Variants in ITPR1 observed in about 807,000 individuals in gnomAD.
ITPR1 encodes inositol 1,4,5-trisphosphate-gated calcium channel ITPR1.
Under a neutral mutation model 318.4 loss-of-function variants are expected in ITPR1, and 96 were observed. That is an observed-to-expected ratio of 0.30 (90% CI 0.26 to 0.36). The LOEUF (loss-of-function observed/expected upper bound fraction) is 0.36, where lower values mean the gene tolerates loss of function less well. Ranked by LOEUF, ITPR1 falls within the 10% of genes least tolerant of loss-of-function variation. The pLI is 1.00. For synonymous variants in ITPR1, 1,312 were observed against 1,289.9 expected, an observed-to-expected ratio of 1.02 and a Z score of -0.37; for missense variants, 2,440 against 3,460.2, an observed-to-expected ratio of 0.71 and a Z score of 7.40.
intron 40 of ITPR1, among the ~76,000 whole-genome samples, chr3:4,721,944 A>G (rs1290903630): frequency 1.3e-5 from 2 of 152,358 alleles, no homozygotes; most frequent in South Asian, 2.1e-4. Context: ...ATGATAAAGT[A>G]TAATTTCTTT....
At chr3:4,725,934 T>C (rs2042483612) in intron 41 of ITPR1, among the ~76,000 whole-genome samples, 1 of 152,240 alleles carries the variant, frequency 6.6e-6, no homozygotes, top group Non-Finnish European at 1.5e-5. Flanking sequence ...TGTGCAGAGA[T>C]GATGCACTTT....
intron 4 of ITPR1, among the ~76,000 whole-genome samples, chr3:4,539,728 G>A (rs2084239596): frequency 6.6e-6 from 1 of 152,114 alleles, no homozygotes; most frequent in Non-Finnish European, 1.5e-5. Flanking sequence ...ATCATGGAAA[G>A]AGAACTGATG....
At chr3:4,780,496 C>T (rs995660688) in intron 49 of ITPR1, among the ~76,000 whole-genome samples, 4 of 152,086 alleles carry the variant, frequency 2.6e-5, no homozygotes, top group Admixed American at 6.5e-5. Flanking sequence ...CTTTCAGAGA[C>T]GGTGACATGA....
intron 43 of ITPR1, among the ~76,000 whole-genome samples, chr3:4,733,659 C>G (rs1292403117): frequency 6.6e-6 from 1 of 152,154 alleles, no homozygotes. Context: ...CTCATTTTCT[C>G]CTCCCAGCTA....
chr3:4,746,809 C>T (rs1043427644), intron 44 of ITPR1, among the ~76,000 whole-genome samples: 14 of 152,220 alleles, frequency 9.2e-5, no homozygotes, highest in Non-Finnish European at 1.5e-4. Context: ...CACATCGTAA[C>T]AGCTCATCCA....
intron 7 of ITPR1, among the ~76,000 whole-genome samples, chr3:4,643,795 C>G (rs1370664944): frequency 6.6e-6 from 1 of 151,484 alleles, no homozygotes; most frequent in African/African-American, 2.4e-5. Context: ...CTTACTCTGA[C>G]TCTATCTTGT....
intron 2 of ITPR1, among the ~76,000 whole-genome samples, chr3:4,504,582 G>C (rs2081268802): frequency 6.6e-6 from 1 of 152,204 alleles, no homozygotes; most frequent in African/African-American, 2.4e-5. Context: ...GGGACAAGAA[G>C]GCAAGGAGGG....
chr3:4,686,884 C>G (rs1203298621), intron 30 of ITPR1, among the ~76,000 whole-genome samples: 1 of 152,214 alleles, frequency 6.6e-6, no homozygotes, highest in East Asian at 1.9e-4. Flanking sequence ...GCTGTCTGTC[C>G]CAAGCCCTCT....
intron 4 of ITPR1, among the ~76,000 whole-genome samples, chr3:4,540,572 G>C (rs920041719): frequency 6.6e-6 from 1 of 152,038 alleles, no homozygotes; most frequent in Admixed American, 6.6e-5. Flanking sequence ...GCTTTTGTGT[G>C]TGTGTGTATG....
At chr3:4,576,736 T>A (rs888353850) in intron 4 of ITPR1, among the ~76,000 whole-genome samples, 15 of 152,228 alleles carry the variant, frequency 9.9e-5, no homozygotes, top group Admixed American at 6.5e-4. Flanking sequence ...AATATTTAAA[T>A]GAAAATATAA....
intron 60 of ITPR1, among the ~76,000 whole-genome samples, chr3:4,833,290 A>T (rs2050648188): frequency 3.3e-5 from 5 of 152,212 alleles, no homozygotes; most frequent in Non-Finnish European, 1.5e-5. Context: ...GCTATTAGGA[A>T]TGAGGGAGAG....
chr3:4,781,356 A>G (rs533993524), intron 49 of ITPR1, among the ~76,000 whole-genome samples: 2 of 152,318 alleles, frequency 1.3e-5, no homozygotes, highest in Admixed American at 1.3e-4. Context: ...GAAATGATTC[A>G]ATCATGAATG....
chr3:4,785,745 G>A (rs1422241910), intron 51 of ITPR1, among the ~76,000 whole-genome samples: 1 of 152,194 alleles, frequency 6.6e-6, no homozygotes, highest in Non-Finnish European at 1.5e-5. Context: ...AACTTGATCA[G>A]GTTTAAGAGG....
intron 24 of ITPR1, 49 bp downstream of exon 24, chr3:4,676,850 C>A: frequency 7.1e-7 from 1 of 1,416,680 alleles, no homozygotes; most frequent in Non-Finnish European, 9.7e-7. Context: ...ACAGAGGCGC[C>A]ATTCAGATCC....
rs1462104313 is a variant in ITPR1 at position 4,826,905 on chromosome 3, T to C, written c.8028+8663T>C. On this transcript the variant is annotated intron_variant, in intron 60 of 61. Coordinates refer to ENST00000649015, the MANE Select transcript of ITPR1 (RefSeq NM_001378452.1). This position sits in a 1 kb window ranked among gnomAD's most constrained non-coding sequence, Gnocchi z 4.2. ...GGAGCTTGTGTGCTAAGGGAGAGCA[T>C]GGGGCGTGAGTCAGGTATACCCAGG... is the stretch of plus-strand genomic sequence containing the variant. Among the ~76,000 whole-genome samples, 2 of 152,114 alleles carry C rather than the reference T, an allele frequency of 1.3e-5. No homozygotes were observed. The highest frequency in any genetic ancestry group is 3.9e-4 in the East Asian group (2 of 5,178).
rs1315779450 is a variant in ITPR1 at position 4,806,201 on chromosome 3, T to C, written c.7206T>C (p.Tyr2402=). ...RAMVLDVEFL[Y]HLLYLVICAM... is the part of the protein sequence containing the mutation. ...TGGTTCTGGATGTTGAGTTCCTCTA[T>C]CATTTGTTGTATCTGGTGATCTGTG... is the stretch of plus-strand genomic sequence containing the variant. The change falls in exon 55 of 62, where the codon TAT becomes TAC. Residue 2402 remains tyrosine (Y), a synonymous_variant. Coordinates refer to ENST00000649015, the MANE Select transcript of ITPR1 (RefSeq NM_001378452.1). 6.2e-7 allele frequency: 1 copy of C among 1,613,844 alleles called. No individual in the cohort carries two copies. Among genetic ancestry groups the C allele is most frequent in the Non-Finnish European group, 8.5e-7 (1 of 1,179,834 alleles).
At chr3:4,635,293 A>G (rs1423889918) in intron 5 of ITPR1, among the ~76,000 whole-genome samples, 1 of 152,242 alleles carries the variant, frequency 6.6e-6, no homozygotes, top group Non-Finnish European at 1.5e-5. Flanking sequence ...ATATTGCCTG[A>G]GTATCCTTTA....
intron 44 of ITPR1, among the ~76,000 whole-genome samples, chr3:4,744,207 A>C (rs1198959197): frequency 6.6e-6 from 1 of 152,218 alleles, no homozygotes; most frequent in Non-Finnish European, 1.5e-5. Flanking sequence ...AATTTTACTA[A>C]AAGTGCAGAG....
intron 4 of ITPR1, among the ~76,000 whole-genome samples, chr3:4,581,385 G>A (rs941461083): frequency 1.3e-5 from 2 of 152,154 alleles, no homozygotes; most frequent in East Asian, 1.9e-4. Flanking sequence ...AAAACTCCCA[G>A]GAAAGGCTTC....
Sources: allele counts gnomAD v4.1 joint callset (sites outside exome capture counted in the v4.1 genomes callset), GRCh38; gene constraint gnomAD v4.1.1; non-coding constraint Gnocchi (gnomAD v3.1); transcripts MANE v1.5; gene names NCBI Gene and HGNC (gene_info 2026-07-23, HGNC 2026-07-21).